The following ACTR3C variants were observed in gnomAD, a reference collection of about 807,000 sequenced individuals.
ACTR3C encodes actin related protein 3C, also known as actin-related protein 3C.
Under a neutral mutation model 26.3 loss-of-function variants are expected in ACTR3C, and 18 were observed. The observed-to-expected ratio is 0.68, with a 90% CI of 0.47 to 1.01. The LOEUF (loss-of-function observed/expected upper bound fraction) is 1.01. Ranked by LOEUF, ACTR3C falls within the 50% of genes least tolerant of loss-of-function variation. The probability of loss-of-function intolerance (pLI) is 0.00; values close to 1 mark genes in which losing one functional copy is unlikely to be tolerated. For missense variants in ACTR3C, 184 were observed against 250.7 expected (o/e 0.73, Z 1.80); for synonymous variants, 55 against 94.5 (o/e 0.58, Z 2.42).
At chr7:150,031,359 T>C in the ACTR3C span, among the ~76,000 whole-genome samples, 1 of 152,014 alleles carries the variant, frequency 6.6e-6, no homozygotes, top group African/African-American at 2.4e-5. Flanking sequence ...TAGAAGAATG[T>C]GAGGGTCTCC....
the ACTR3C span, among the ~76,000 whole-genome samples, chr7:149,917,080 T>A: frequency 5.4e-5 from 8 of 148,342 alleles, no homozygotes; most frequent in African/African-American, 7.4e-5. Context: ...CCAAATATTT[T>A]TTTTTTTTTT....
chr7:150,009,739 C>T, the ACTR3C span, among the ~76,000 whole-genome samples: 38 of 152,342 alleles, frequency 2.5e-4, no homozygotes, highest in African/African-American at 8.9e-4. Flanking sequence ...CAGAGAAGAA[C>T]GATCACTCAC....
chr7:149,913,066 A>T, the ACTR3C span, among the ~76,000 whole-genome samples: 1 of 152,172 alleles, frequency 6.6e-6, no homozygotes, highest in East Asian at 1.9e-4. Context: ...ATCTGCACCA[A>T]CATAGGCTCA....
At chr7:150,065,367 T>C in the ACTR3C span, among the ~76,000 whole-genome samples, 1 of 152,276 alleles carries the variant, frequency 6.6e-6, no homozygotes, top group Non-Finnish European at 1.5e-5. Context: ...TGATGAATTA[T>C]AGAGTGTAAC....
intron 3 of ACTR3C, among the ~76,000 whole-genome samples, chr7:150,289,916 C>T (rs1291086821): frequency 6.6e-6 from 1 of 152,196 alleles, no homozygotes; most frequent in African/African-American, 2.4e-5. Flanking sequence ...TCTGTAAGAA[C>T]ACTAAACCCA....
At chr7:150,004,403 C>T in the ACTR3C span, 11 of 152,134 alleles carry the variant, frequency 7.2e-5, no homozygotes, top group Admixed American at 2.6e-4. Flanking sequence ...TCCATATTTT[C>T]GTAGAATGCC....
intron 6 of ACTR3C, among the ~76,000 whole-genome samples, chr7:150,258,689 G>A (rs1295307390): frequency 6.6e-6 from 1 of 151,706 alleles, no homozygotes; most frequent in Non-Finnish European, 1.5e-5. Flanking sequence ...TCACCCCTCT[G>A]CCAAAATAGT....
At chr7:150,195,218 A>G in the ACTR3C span, among the ~76,000 whole-genome samples, 3 of 151,362 alleles carry the variant, frequency 2.0e-5, no homozygotes, top group Non-Finnish European at 4.4e-5. Context: ...ACATCCCTAC[A>G]CCATAGATAC....
At chr7:150,157,211 T>C in the ACTR3C span, among the ~76,000 whole-genome samples, 3 of 151,790 alleles carry the variant, frequency 2.0e-5, no homozygotes, top group African/African-American at 7.3e-5. Flanking sequence ...TGAAGACTCA[T>C]CAGGATCCAA....
the ACTR3C span, among the ~76,000 whole-genome samples, chr7:149,882,628 C>T: frequency 6.6e-6 from 1 of 152,204 alleles, no homozygotes; most frequent in Non-Finnish European, 1.5e-5. Context: ...GCTTTCCCTC[C>T]AGGCCCGAGG....
the ACTR3C span, among the ~76,000 whole-genome samples, chr7:150,036,512 A>G: frequency 6.9e-6 from 1 of 145,216 alleles, no homozygotes; most frequent in Admixed American, 6.8e-5. Flanking sequence ...ACTCATGAAA[A>G]ACTTGCTGTT....
At chr7:149,965,886 T>A in the ACTR3C span, among the ~76,000 whole-genome samples, 2 of 152,136 alleles carry the variant, frequency 1.3e-5, no homozygotes, top group African/African-American at 4.8e-5. Context: ...TCTCCCCAAC[T>A]TAAAGCTAAG....
chr7:150,175,737 C>T, the ACTR3C span, among the ~76,000 whole-genome samples: 1 of 145,650 alleles, frequency 6.9e-6, no homozygotes, highest in African/African-American at 2.7e-5. Context: ...GCTTGAACCA[C>T]CTGGGAAGCG....
At chr7:150,046,176 T>C in the ACTR3C span, among the ~76,000 whole-genome samples, 2,655 of 152,192 alleles carry the variant, frequency 0.017, 81 homozygotes, top group African/African-American at 0.06. Context: ...AGGGGGTGTG[T>C]ACCTGTGTGT....
chr7:150,269,170 T>G (rs375129453), intron 6 of ACTR3C, among the ~76,000 whole-genome samples: 18 of 65,576 alleles, frequency 2.7e-4, no homozygotes, highest in East Asian at 4.4e-4. Flanking sequence ...GAGTGGAGGG[T>G]GGAATACAGT....
At chr7:150,038,036 C>G in the ACTR3C span, among the ~76,000 whole-genome samples, 1 of 136,566 alleles carries the variant, frequency 7.3e-6, no homozygotes, top group East Asian at 2.1e-4. Flanking sequence ...GTCCCAAGAG[C>G]CATGGGGGGA....
At chr7:149,898,944 A>G in the ACTR3C span, among the ~76,000 whole-genome samples, 1 of 151,940 alleles carries the variant, frequency 6.6e-6, no homozygotes, top group Non-Finnish European at 1.5e-5. Context: ...ATGTCACCCA[A>G]GCTATCTCTA....
chr7:150,241,310 T>C, downstream of ACTR3C, among the ~76,000 whole-genome samples: 1 of 152,030 alleles, frequency 6.6e-6, no homozygotes, highest in Non-Finnish European at 1.5e-5. Context: ...AAAAAGAGAT[T>C]GATGGGGTAA....
chr7:150,234,011 G>A, the ACTR3C span, among the ~76,000 whole-genome samples: 1 of 152,092 alleles, frequency 6.6e-6, no homozygotes, highest in East Asian at 1.9e-4. Flanking sequence ...AATGTTTGCT[G>A]TAGATGTAGG....
Sources: allele counts gnomAD v4.1 joint callset (sites outside exome capture counted in the v4.1 genomes callset), GRCh38; gene constraint gnomAD v4.1.1; transcripts MANE v1.5; gene names NCBI Gene and HGNC (gene_info 2026-07-23, HGNC 2026-07-21).